Variants in ZNF609 observed in about 807,000 individuals in gnomAD.
ZNF609 encodes zinc finger protein 609.
Under a neutral mutation model 109.5 loss-of-function variants are expected in ZNF609, and 11 were observed. The ratio of observed to expected loss-of-function variants is 0.10; its 90% CI spans 0.06 to 0.17. ZNF609 has a LOEUF of 0.17. Ranked by LOEUF, ZNF609 falls within the 10% of genes least tolerant of loss-of-function variation. The pLI, the probability that ZNF609 is intolerant of heterozygous loss-of-function variation, is 1.00. For missense variants in ZNF609, 1,559 were observed against 1,772.4 expected (o/e 0.88, Z 2.16); for synonymous variants, 646 against 662.0 (o/e 0.98, Z 0.37).
chr15:64,605,715 A>AT (rs145790226), intron 2 of ZNF609, among the ~76,000 whole-genome samples: 6,259 of 147,772 alleles, frequency 0.042, 449 homozygotes, highest in African/African-American at 0.15. Flanking sequence ...TAGAGCTGAG[A>AT]TTTTTTTTTC....
chr15:64,596,489 T>G (rs2140943585), intron 2 of ZNF609, among the ~76,000 whole-genome samples: 1 of 152,302 alleles, frequency 6.6e-6, no homozygotes, highest in East Asian at 1.9e-4. Flanking sequence ...TTGCATATGC[T>G]GTTCCCTCTG....
chr15:64,574,578 T>C (rs1208031589), intron 2 of ZNF609, among the ~76,000 whole-genome samples: 1 of 152,202 alleles, frequency 6.6e-6, no homozygotes, highest in Non-Finnish European at 1.5e-5. Context: ...CTGGACTACA[T>C]ATCTTTATTG....
chr15:64,626,210 A>G (rs1471248450), intron 3 of ZNF609, among the ~76,000 whole-genome samples: 1 of 152,012 alleles, frequency 6.6e-6, no homozygotes, highest in East Asian at 1.9e-4. Flanking sequence ...CTGTTCAGCA[A>G]TAATATACTC....
At chr15:64,484,092 A>G (rs1406533473) in intron 1 of ZNF609, among the ~76,000 whole-genome samples, 1 of 148,750 alleles carries the variant, frequency 6.7e-6, no homozygotes, top group African/African-American at 2.5e-5. Context: ...TCCAAAGACC[A>G]TCTTGATGAT....
In ZNF609 at chr15:64,552,345, G is replaced by A. The variant is rs1273806086; in HGVS notation, c.747+52179G>A. ...AGTTAATTTTTATATATGTTGCAAG[G>A]TATGGATTAAAATGGTTTTGTTGTT... is the stretch of plus-strand genomic sequence containing the variant. On this transcript the variant is annotated intron_variant, in intron 2 of 9. Coordinates refer to ENST00000326648, the MANE Select transcript of ZNF609 (RefSeq NM_015042.2). Among the ~76,000 whole-genome samples the A allele has an allele frequency of 3.9e-5, 6 of 152,160 alleles. No individual in the cohort carries two copies. In the East Asian group the frequency reaches 9.6e-4, roughly 24 times the overall value.
chr15:64,463,381 A>T (rs12101509), intron 1 of ZNF609, among the ~76,000 whole-genome samples: 3 of 150,758 alleles, frequency 2.0e-5, no homozygotes, highest in Non-Finnish European at 2.9e-5. Flanking sequence ...CCTGGGTGAT[A>T]GAGCAGGACC....
At chr15:64,659,897 T>C (rs1896549146) in intron 3 of ZNF609, among the ~76,000 whole-genome samples, 1 of 151,316 alleles carries the variant, frequency 6.6e-6, no homozygotes, top group Non-Finnish European at 1.5e-5. Flanking sequence ...TGCAGTGGCA[T>C]GATCTTGGCT....
intron 2 of ZNF609, among the ~76,000 whole-genome samples, chr15:64,549,661 G>A (rs975279105): frequency 4.6e-5 from 7 of 150,658 alleles, no homozygotes; most frequent in Admixed American, 4.0e-4. Context: ...GTCTGTACTC[G>A]TGTGTGTGTG....
chr15:64,654,938 TACAA>T (rs1360794501), intron 3 of ZNF609, among the ~76,000 whole-genome samples: 1 of 151,428 alleles, frequency 6.6e-6, no homozygotes, highest in African/African-American at 2.4e-5. Context: ...CTACTAAAAA[TACAA>T]ACAATTAGCT....
intron 2 of ZNF609, chr15:64,529,765 T>C (rs571020015): frequency 6.5e-5 from 34 of 526,378 alleles, no homozygotes; most frequent in South Asian, 5.9e-4. Flanking sequence ...AGTTTCACTC[T>C]TGTTACCCAG....
intron 2 of ZNF609, among the ~76,000 whole-genome samples, chr15:64,591,273 C>G (rs1018031894): frequency 2.0e-5 from 3 of 152,056 alleles, no homozygotes; most frequent in Non-Finnish European, 4.4e-5. Flanking sequence ...ACTAAAAATA[C>G]AAAAATTAGC....
chr15:64,648,993 A>G (rs1012594404), intron 3 of ZNF609, among the ~76,000 whole-genome samples: 2 of 152,168 alleles, frequency 1.3e-5, no homozygotes, highest in African/African-American at 4.8e-5. Context: ...ACTGCAAAGT[A>G]TACAGCAAAT....
chr15:64,611,422 G>A (rs1895714517), intron 2 of ZNF609, among the ~76,000 whole-genome samples: 1 of 152,188 alleles, frequency 6.6e-6, no homozygotes, highest in Non-Finnish European at 1.5e-5. Context: ...ACACTGCCAT[G>A]TGATTTGTGT....
chr15:64,686,029 G>C lies in ZNF609; in HGVS notation c.*4343G>C, dbSNP rs762088426. On this transcript the variant is annotated 3_prime_UTR_variant, in exon 10 of 10. Transcript: ENST00000326648. ...GAAATATATTTTTAAATTATTTGTT[G>C]TATTTATTGAATAAAGTTTTTAATG... 24 of 151,682 alleles carry C rather than the reference G, an allele frequency of 1.6e-4. No individual in the cohort carries two copies. The highest frequency in any genetic ancestry group is 3.4e-4 in the Non-Finnish European group (23 of 67,938). 9.4% of individuals were successfully genotyped at this position (151,682 alleles called of 1,614,324 possible).
chr15:64,620,113 G>A (rs529960884), intron 2 of ZNF609, among the ~76,000 whole-genome samples: 1 of 152,322 alleles, frequency 6.6e-6, no homozygotes, highest in East Asian at 1.9e-4. Flanking sequence ...TGCAAGCAAG[G>A]CAATCAGAAA....
At chr15:64,618,524 C>G (rs1895833654) in intron 2 of ZNF609, among the ~76,000 whole-genome samples, 1 of 152,124 alleles carries the variant, frequency 6.6e-6, no homozygotes, top group Non-Finnish European at 1.5e-5. Context: ...AGGTTCTTGT[C>G]TTGGTGTACT....
intron 2 of ZNF609, among the ~76,000 whole-genome samples, chr15:64,545,587 A>T (rs1894345168): frequency 6.6e-6 from 1 of 152,218 alleles, no homozygotes; most frequent in African/African-American, 2.4e-5. Flanking sequence ...CTTTTGTGAA[A>T]TGGATGCATC....
At chr15:64,678,622 C>A in intron 6 of ZNF609, 140 bp downstream of exon 6, 1 of 1,216,050 alleles carries the variant, frequency 8.2e-7, no homozygotes, top group Non-Finnish European at 1.1e-6. Context: ...CTGAGTCATT[C>A]TGTGAGGTGG....
intron 1 of ZNF609, among the ~76,000 whole-genome samples, chr15:64,469,055 A>AAC: frequency 7.4e-6 from 1 of 135,992 alleles, no homozygotes; most frequent in African/African-American, 2.6e-5. Context: ...AAAAAAAAAA[A>AAC]ACAACACAAT....
Sources: allele counts gnomAD v4.1 joint callset (sites outside exome capture counted in the v4.1 genomes callset), GRCh38; gene constraint gnomAD v4.1.1; transcripts MANE v1.5; gene names NCBI Gene and HGNC (gene_info 2026-07-23, HGNC 2026-07-21).